The following PIGN variants were observed in gnomAD, a reference collection of about 807,000 sequenced individuals.
PIGN encodes the protein phosphatidylinositol glycan anchor biosynthesis class N.
Under a neutral mutation model 125.4 loss-of-function variants are expected in PIGN, and 117 were observed. The observed-to-expected ratio is 0.93, with a 90% CI of 0.80 to 1.09. PIGN has a LOEUF of 1.09. PIGN is among the 50% of genes least tolerant of loss of function. The probability of loss-of-function intolerance (pLI) is 0.00; values close to 1 mark genes in which losing one functional copy is unlikely to be tolerated. For synonymous variants in PIGN, 392 were observed against 377.8 expected, an observed-to-expected ratio of 1.04 and a Z score of -0.44; for missense variants, 1,075 against 1,094.9, an observed-to-expected ratio of 0.98 and a Z score of 0.26.
chr18:62,109,007 C>A (rs2034766297), intron 17 of PIGN, among the ~76,000 whole-genome samples: 1 of 152,136 alleles, frequency 6.6e-6, no homozygotes, highest in Admixed American at 6.5e-5. Flanking sequence ...TTAAGCCAAC[C>A]TTGGGGATAC....
Position 62,042,339 on chromosome 18 carries a change from G to C in PIGN, c.*3517C>G, listed in dbSNP as rs544909155. Reference sequence around the variant, plus strand: ...CTGTCTTGAAAAAAAAAGAAAGAAAGAAAAAAGAAACTATTTTTATTATGA... The same window carrying C: ...CTGTCTTGAAAAAAAAAGAAAGAAACAAAAAAGAAACTATTTTTATTATGA... On this transcript the variant is annotated 3_prime_UTR_variant, in exon 31 of 31. Transcript: ENST00000640252. 2.6e-4 allele frequency: 40 copies of C among 151,972 alleles called. No homozygotes were observed. The highest frequency in any genetic ancestry group is 8.2e-4 in the African/African-American group (34 of 41,462). 9.4% of individuals were successfully genotyped at this position (151,972 alleles called of 1,614,324 possible).
chr18:62,126,213 T>G (rs1228333117), intron 14 of PIGN, among the ~76,000 whole-genome samples: 3 of 152,134 alleles, frequency 2.0e-5, no homozygotes, highest in African/African-American at 7.2e-5. Flanking sequence ...CTGTTTGTCC[T>G]AAGATTCTTT....
At chr18:62,114,673 T>G (rs1466333778) in intron 14 of PIGN, 34 bp from the exon 15 acceptor site, 2 of 1,014,348 alleles carry the variant, frequency 2.0e-6, no homozygotes, top group Admixed American at 2.8e-5. Context: ...TTTAAAGGGT[T>G]TCCTCATTCC....
intron 12 of PIGN, among the ~76,000 whole-genome samples, chr18:62,140,007 A>G (rs1417902600): frequency 1.3e-5 from 2 of 152,276 alleles, no homozygotes; most frequent in East Asian, 3.9e-4. Context: ...TTACTTATAC[A>G]TTTCTATCAA....
intron 29 of PIGN, among the ~76,000 whole-genome samples, chr18:62,073,209 G>A (rs1015854993): frequency 2.0e-5 from 3 of 148,488 alleles, no homozygotes; most frequent in Non-Finnish European, 3.0e-5. Context: ...GTGTGTAAGG[G>A]GGGGATGGAG....
chr18:62,050,821 G>A (rs2031214668), intron 30 of PIGN, among the ~76,000 whole-genome samples: 1 of 151,508 alleles, frequency 6.6e-6, no homozygotes, highest in Non-Finnish European at 1.5e-5. Context: ...CATTCAGTAT[G>A]ATATTGGCTG....
intron 1 of PIGN, among the ~76,000 whole-genome samples, chr18:62,164,900 G>A (rs1259156874): frequency 3.3e-5 from 5 of 152,160 alleles, no homozygotes; most frequent in Admixed American, 3.3e-4. Context: ...TTAGTGCAGT[G>A]GAAGTTAACA....
chr18:62,071,701 T>C (rs1198753334), intron 30 of PIGN, among the ~76,000 whole-genome samples: 1 of 151,814 alleles, frequency 6.6e-6, no homozygotes, highest in Non-Finnish European at 1.5e-5. Context: ...TTTGTGGTGA[T>C]GCTGGTGTGA....
chr18:62,125,069 AATATACATGTTTGTACATACATGTAT>A lies in PIGN; in HGVS notation c.1173-10456_1173-10431del, dbSNP rs996436762. Among the ~76,000 whole-genome samples, 159 of 143,638 alleles carry A rather than the reference AATATACATGTTTGTACATACATGTAT, an allele frequency of 1.1e-3. 1 individual carries two copies. The highest frequency in any genetic ancestry group is 2.7e-3 in the Admixed American group (40 of 14,846). 94.2% of individuals were successfully genotyped at this position (143,638 alleles called of 152,430 possible). A position where few individuals can be genotyped will look rare whatever the true frequency, so the allele number is the denominator to read the frequency against. ...TACAATTTGTACATACATGTATATA[AATATACATGTTTGTACATACATGTAT>A]ATATACACGTTTGTACATATGTGTA... On this transcript the variant is annotated intron_variant, in intron 14 of 30. Transcript: ENST00000640252.
intron 28 of PIGN, among the ~76,000 whole-genome samples, chr18:62,080,419 T>A (rs2033393370): frequency 6.6e-6 from 1 of 152,224 alleles, no homozygotes; most frequent in East Asian, 1.9e-4. Context: ...GCAGGTTGTT[T>A]CACACCCCCA....
intron 25 of PIGN, among the ~76,000 whole-genome samples, chr18:62,087,364 G>T (rs1257787476): frequency 6.6e-6 from 1 of 152,212 alleles, no homozygotes; most frequent in Non-Finnish European, 1.5e-5. Flanking sequence ...TGATCAGGAA[G>T]CCCCTGCAGA....
Position 62,043,584 on chromosome 18 carries a change from A to T in PIGN, c.*2272T>A, listed in dbSNP as rs1347156637. On this transcript the variant is annotated 3_prime_UTR_variant, in exon 31 of 31. Transcript: ENST00000640252. ...TAAAGACATTACTATGAAAATATAC[A>T]ATCATTTATAACATTATTTTCCTAA... 5 of 152,210 alleles carry T rather than the reference A, an allele frequency of 3.3e-5. No homozygotes were observed. 9.4% of individuals were successfully genotyped at this position (152,210 alleles called of 1,614,324 possible).
At chr18:62,046,040 T>G in intron 30 of PIGN, 61 bp from the exon 31 acceptor site, 1 of 1,529,976 alleles carries the variant, frequency 6.5e-7, no homozygotes, top group Non-Finnish European at 8.9e-7. Context: ...AATCATGAGA[T>G]TCCTCTGAAT....
intron 22 of PIGN, 139 bp downstream of exon 22, chr18:62,100,936 T>A: frequency 1.5e-6 from 1 of 653,258 alleles, no homozygotes; most frequent in Middle Eastern, 2.6e-4. Flanking sequence ...CAGCAAGAGA[T>A]AGAAATAATA....
intron 24 of PIGN, 135 bp downstream of exon 24, chr18:62,090,341 T>G: frequency 1.8e-6 from 1 of 568,430 alleles, no homozygotes; most frequent in South Asian, 2.4e-5. Flanking sequence ...TTAACTTAAT[T>G]ATTAATGCCA....
intron 30 of PIGN, chr18:62,072,231 T>C (rs2032920937): frequency 6.6e-6 from 1 of 152,156 alleles, no homozygotes; most frequent in Non-Finnish European, 1.5e-5. Context: ...TATAATGTGT[T>C]TGTGTGTTTA....
chr18:62,155,160 C>CTTATTG, intron 6 of PIGN, among the ~76,000 whole-genome samples: 1 of 152,134 alleles, frequency 6.6e-6, no homozygotes, highest in African/African-American at 2.4e-5. Flanking sequence ...TTGCTTATTG[C>CTTATTG]CAAAGAGTTT....
At chr18:62,136,836 G>A (rs2035952266) in intron 14 of PIGN, 2 of 377,250 alleles carry the variant, frequency 5.3e-6, no homozygotes, top group East Asian at 7.7e-5. Flanking sequence ...CAGTAGTGCA[G>A]AGCCAGGTCT....
intron 28 of PIGN, among the ~76,000 whole-genome samples, chr18:62,080,785 G>A (rs13313626): frequency 0.17 from 25,729 of 152,104 alleles, 2,935 homozygotes; most frequent in Middle Eastern, 0.28. Flanking sequence ...TCCATGTGAC[G>A]TGAGGACATA....
Sources: allele counts gnomAD v4.1 joint callset (sites outside exome capture counted in the v4.1 genomes callset), GRCh38; gene constraint gnomAD v4.1.1; transcripts MANE v1.5; gene names NCBI Gene and HGNC (gene_info 2026-07-23, HGNC 2026-07-21).